The following UVRAG variants were observed in gnomAD, a reference collection of about 807,000 sequenced individuals.
The protein encoded by UVRAG is UV radiation resistance-associated gene protein.
In UVRAG, 19 loss-of-function variants were observed where a neutral mutation model predicts 78.0. The observed-to-expected ratio is 0.24, with a 90% confidence interval of 0.17 to 0.36. UVRAG has a LOEUF of 0.36. Among genes scored for constraint, UVRAG ranks in the 10% least tolerant of loss-of-function variants. UVRAG has a pLI of 1.00. For missense variants in UVRAG, 740 were observed against 853.8 expected (o/e 0.87, Z 1.66); for synonymous variants, 323 against 324.6 (o/e 1.00, Z 0.05).
chr11:75,816,858 G>A (rs1359297070), intron 1 of UVRAG, among the ~76,000 whole-genome samples: 1 of 152,200 alleles, frequency 6.6e-6, no homozygotes, highest in Admixed American at 6.5e-5. Flanking sequence ...GTGCAGTAAA[G>A]GAGGCGGGGG....
At chr11:76,113,073 A>G (rs1307009332) in intron 13 of UVRAG, among the ~76,000 whole-genome samples, 2 of 152,180 alleles carry the variant, frequency 1.3e-5, no homozygotes, top group East Asian at 1.9e-4. Flanking sequence ...GAAAAGCTCA[A>G]CTGGTGGAAA....
chr11:76,060,423 C>T (rs983861553), intron 12 of UVRAG, among the ~76,000 whole-genome samples: 6 of 152,240 alleles, frequency 3.9e-5, no homozygotes, highest in East Asian at 1.9e-4. Flanking sequence ...AGCCCTCACT[C>T]GCTCTCAGCG....
At chr11:76,119,414 T>C (rs1024970553) in intron 14 of UVRAG, among the ~76,000 whole-genome samples, 1 of 152,178 alleles carries the variant, frequency 6.6e-6, no homozygotes, top group Admixed American at 6.5e-5. Flanking sequence ...GCTGTTATGC[T>C]TATGACTCCC....
rs192849973 is a variant in UVRAG, at chr11:76,093,517, A to G, written c.1306-22407A>G. 5.8e-3 allele frequency among the ~76,000 whole-genome samples: 888 copies of G among 152,176 alleles called. 5 individuals carry two copies. Among genetic ancestry groups the G allele is most frequent in the African/African-American group, 0.02 (839 of 41,514 alleles). ...ATGGAATGTTCTTCCATTTGTTTGT[A>G]TCCTCTTTTATTTAATTGAGCAATG... On this transcript the variant is annotated intron_variant, in intron 13 of 14. Coordinates refer to ENST00000356136, the MANE Select transcript of UVRAG (RefSeq NM_003369.4).
At chr11:75,825,457 A>G (rs1945491686) in intron 1 of UVRAG, among the ~76,000 whole-genome samples, 3 of 152,206 alleles carry the variant, frequency 2.0e-5, no homozygotes, top group Non-Finnish European at 4.4e-5. Context: ...CTTGTACAGT[A>G]TTTTAGCAGT....
intron 12 of UVRAG, among the ~76,000 whole-genome samples, chr11:76,050,481 G>A (rs1015015227): frequency 7.2e-5 from 11 of 152,160 alleles, no homozygotes; most frequent in African/African-American, 2.7e-4. Flanking sequence ...CAAGGAAATT[G>A]CGTTTTAATT....
intron 7 of UVRAG, among the ~76,000 whole-genome samples, chr11:75,977,322 GT>G (rs1187409560): frequency 1.3e-5 from 2 of 152,212 alleles, no homozygotes; most frequent in African/African-American, 4.8e-5. Context: ...GTGCGATGTG[GT>G]GCTGAGAAGG....
At chr11:76,100,143 C>T (rs1299440905) in intron 13 of UVRAG, among the ~76,000 whole-genome samples, 1 of 151,918 alleles carries the variant, frequency 6.6e-6, no homozygotes, top group East Asian at 1.9e-4. Context: ...TGGCTCTTAC[C>T]CTGACAAAAA....
At chr11:75,878,067 G>C (rs1483545581) in intron 3 of UVRAG, among the ~76,000 whole-genome samples, 1 of 150,844 alleles carries the variant, frequency 6.6e-6, no homozygotes. Context: ...CTCCAGACGG[G>C]GCGGCTGCCG....
intron 7 of UVRAG, among the ~76,000 whole-genome samples, chr11:75,978,399 A>G (rs1949302862): frequency 1.3e-5 from 2 of 152,226 alleles, no homozygotes; most frequent in African/African-American, 4.8e-5. Context: ...TATTTCCTGA[A>G]TTTGAATGCT....
intron 13 of UVRAG, among the ~76,000 whole-genome samples, chr11:76,107,857 A>C (rs1370479932): frequency 6.6e-6 from 1 of 152,066 alleles, no homozygotes; most frequent in Non-Finnish European, 1.5e-5. Context: ...GTACTTAAAA[A>C]TGGATTGAAA....
chr11:75,960,852 T>C (rs1266188166), intron 6 of UVRAG, among the ~76,000 whole-genome samples: 1 of 152,270 alleles, frequency 6.6e-6, no homozygotes, highest in Admixed American at 6.5e-5. Flanking sequence ...AGCTCTTAAT[T>C]TTTTCATTGT....
At chr11:75,837,065 C>T (rs1343701281) in intron 1 of UVRAG, among the ~76,000 whole-genome samples, 2 of 152,180 alleles carry the variant, frequency 1.3e-5, no homozygotes, top group African/African-American at 4.8e-5. Context: ...AGCGGTGGCT[C>T]ACGCCTGTAA....
intron 1 of UVRAG, 61 bp from the exon 2 acceptor site, chr11:75,851,822 C>T (rs1946157965): frequency 7.3e-7 from 1 of 1,362,208 alleles, no homozygotes; most frequent in African/African-American, 1.5e-5. Flanking sequence ...ACTGCAACTT[C>T]CAGAAAATTT....
chr11:75,920,037 TTTTTTTG>T (rs1420383293), intron 6 of UVRAG, among the ~76,000 whole-genome samples: 1 of 120,676 alleles, frequency 8.3e-6, no homozygotes. Flanking sequence ...TTTTTTTTTT[TTTTTTTG>T]GGACGAAGTC....
At chr11:75,888,788 G>A (rs1391103261) in intron 4 of UVRAG, 41 bp from the exon 5 acceptor site, 8 of 1,526,824 alleles carry the variant, frequency 5.2e-6, no homozygotes, top group Middle Eastern at 1.7e-4. Flanking sequence ...AAACATGATC[G>A]GAATAAAAAT....
At chr11:76,025,417 A>G (rs1203833327) in intron 12 of UVRAG, among the ~76,000 whole-genome samples, 3 of 152,204 alleles carry the variant, frequency 2.0e-5, no homozygotes, top group African/African-American at 4.8e-5. Flanking sequence ...GGCTTTTTCA[A>G]GGCCTTAAAA....
intron 6 of UVRAG, among the ~76,000 whole-genome samples, chr11:75,957,999 A>G (rs1019790499): frequency 3.3e-5 from 5 of 152,240 alleles, no homozygotes; most frequent in African/African-American, 1.2e-4. Context: ...GCTGTAGTCT[A>G]TTAAGTGTGA....
chr11:76,043,149 G>C (rs1950683766), intron 12 of UVRAG, among the ~76,000 whole-genome samples: 1 of 152,114 alleles, frequency 6.6e-6, no homozygotes, highest in Non-Finnish European at 1.5e-5. Context: ...AATATCTGTT[G>C]TCAACTCTGC....
Sources: allele counts gnomAD v4.1 joint callset (sites outside exome capture counted in the v4.1 genomes callset), GRCh38; gene constraint gnomAD v4.1.1; transcripts MANE v1.5; gene names NCBI Gene and HGNC (gene_info 2026-07-23, HGNC 2026-07-21).